Variants in MKS1 observed in about 807,000 individuals in gnomAD.
MKS1 encodes tectonic-like complex member MKS1.
Under a neutral mutation model 83.7 loss-of-function variants are expected in MKS1, and 70 were observed. That is an observed-to-expected ratio of 0.84 (90% confidence interval 0.69 to 1.02). The LOEUF is 1.02. Ranked by LOEUF, MKS1 falls within the 50% of genes least tolerant of loss-of-function variation. The probability of loss-of-function intolerance (pLI) is 0.00; values close to 1 mark genes in which losing one functional copy is unlikely to be tolerated. For synonymous variants in MKS1, 251 were observed against 273.4 expected (o/e 0.92, Z 0.81); for missense variants, 681 against 726.9 (o/e 0.94, Z 0.73).
At chr17:58,215,771 T>A in intron 4 of MKS1, 1 of 384,518 alleles carries the variant, frequency 2.6e-6, no homozygotes, top group African/African-American at 2.1e-5. Flanking sequence ...CCACTACCTG[T>A]CTTTTTTCAT....
intron 3 of MKS1, 46 bp from the exon 4 acceptor site, chr17:58,216,289 C>A: frequency 6.3e-7 from 1 of 1,591,316 alleles, no homozygotes; most frequent in Non-Finnish European, 8.6e-7. Context: ...CATTATAATA[C>A]ATCAAACTTT....
intron 12 of MKS1, 40 bp downstream of exon 12, chr17:58,208,473 A>T (rs760994474): frequency 6.2e-7 from 1 of 1,603,642 alleles, no homozygotes; most frequent in Non-Finnish European, 8.5e-7. Context: ...CCAGGAGCAG[A>T]TCTCATTCCC....
chr17:58,206,284 T>G lies in MKS1; in HGVS notation c.1587A>C (p.Leu529=), dbSNP rs1968500559. 1 of 1,614,070 alleles carries G rather than the reference T, an allele frequency of 6.2e-7. No individual in the cohort carries two copies. The highest frequency in any genetic ancestry group is 2.2e-5 in the East Asian group (1 of 44,876). Residue 529 remains leucine (L), a splice_region_variant and synonymous_variant, in exon 17 of 18, where the codon CTA becomes CTC. Transcript: ENST00000393119. The part of the protein sequence containing the change: ...FSQQSSIHNV[L]EAFRRARRRM... ...GGCCAGCTGGGGGAGGGGACATACC[T>G]AGCACATTGTGAATGGAACTCTGCT...
intron 9 of MKS1, 168 bp from the exon 10 acceptor site, chr17:58,211,190 T>A (rs761505681): frequency 1.2e-5 from 8 of 655,364 alleles, no homozygotes; most frequent in African/African-American, 1.8e-5. Flanking sequence ...TCTGTTTCCT[T>A]CATTCCTAAG....
At chr17:58,213,439 G>A (rs1173845249) in intron 7 of MKS1, among the ~76,000 whole-genome samples, 1 of 152,154 alleles carries the variant, frequency 6.6e-6, no homozygotes, top group Non-Finnish European at 1.5e-5. Flanking sequence ...CAGAGATGAG[G>A]AACAGTCAGC....
At chr17:58,213,948 G>A (rs1969036497) in intron 6 of MKS1, 79 bp from the exon 7 acceptor site, 1 of 1,227,672 alleles carries the variant, frequency 8.1e-7, no homozygotes, top group Admixed American at 1.7e-5. Flanking sequence ...CCACTGCAGG[G>A]GAGAGAACAG....
rs1377294062 is a variant in MKS1 at position 58,205,906 on chromosome 17, G to A, written c.*173C>T. 1.4e-6 allele frequency: 2 copies of A among 1,474,028 alleles called. No homozygotes were observed. Among genetic ancestry groups the A allele is most frequent in the East Asian group, 2.5e-5 (1 of 40,480 alleles). 91.3% of individuals were successfully genotyped at this position (1,474,028 alleles called of 1,614,324 possible). A position where few individuals can be genotyped will look rare whatever the true frequency, so the allele number is the denominator to read the frequency against. ...CTCTGGCTTTATTTCCACAGGGTAG[G>A]GAGAAGACCCTGCAGAAGGCTAGGC... On this transcript the variant is annotated 3_prime_UTR_variant, in exon 18 of 18. Coordinates refer to ENST00000393119, the MANE Select transcript of MKS1 (RefSeq NM_017777.4).
rs201957874 is a variant in MKS1, at chr17:58,218,727, A to C, written c.83T>G (p.Val28Gly). The change falls in exon 2 of 18, where the codon GTC becomes GGC. Residue 28 changes from valine to glycine, a missense_variant and splice_region_variant. By Grantham distance (109) the Val-to-Gly change is moderately radical. Transcript: ENST00000393119. ...GCTTGATGTGATTCTTTGCAGGTGG[A>C]CTCTGTCAAGAAAAGCCCAAAATAT... The part of the protein sequence containing the change: ...RDPVRNLRLR[V>G]HLQRITSSNF... The C allele has an allele frequency of 1.2e-6, 2 of 1,613,076 alleles. No homozygotes were observed. The highest frequency in any genetic ancestry group is 1.7e-6 in the Non-Finnish European group (2 of 1,179,172).
At chr17:58,210,838 C>A in intron 10 of MKS1, 114 bp from the exon 11 acceptor site, 1 of 1,440,828 alleles carries the variant, frequency 6.9e-7, no homozygotes, top group South Asian at 1.1e-5. Context: ...GGCCAGGAAC[C>A]CTCTGCGTTT....
Position 58,212,437 on chromosome 17 carries a change from G to A in MKS1, c.859-3C>T, listed in dbSNP as rs749501841. 1.2e-6 allele frequency: 2 copies of A among 1,614,068 alleles called. No homozygotes were observed. The highest frequency in any genetic ancestry group is 1.1e-5 in the South Asian group (1 of 91,084). ...TACTCCTTGTGCCGGCCATAAAGCT[G>A]AGGAAACAAACCAAACCAAAACTCA... On this transcript the variant is annotated splice_region_variant and splice_polypyrimidine_tract_variant and intron_variant, in intron 8 of 17. Coordinates refer to ENST00000393119, the MANE Select transcript of MKS1 (RefSeq NM_017777.4).
At chr17:58,211,802 G>A (rs1968892774) in intron 9 of MKS1, among the ~76,000 whole-genome samples, 1 of 147,312 alleles carries the variant, frequency 6.8e-6, no homozygotes, top group Admixed American at 6.9e-5. Flanking sequence ...CTGGCTTCAA[G>A]TGATCCTCCC....
At chr17:58,210,803 A>G (rs1968828857) in intron 10 of MKS1, 79 bp from the exon 11 acceptor site, 25 of 1,486,122 alleles carry the variant, frequency 1.7e-5, no homozygotes, top group Admixed American at 3.4e-5. Flanking sequence ...AGGGGCCTAC[A>G]CACCCTGAGA....
In MKS1 at chr17:58,211,114, C is replaced by CCA. The variant is rs1968850320; in HGVS notation, c.916-94_916-93dup. ...CATCTACAAATCTGCAGACGACCTGCCACTAGGGGTCAGGCCCTGGGTGTC... is the reference window on the plus strand; with the variant it reads ...CATCTACAAATCTGCAGACGACCTGCCACACTAGGGGTCAGGCCCTGGGTGTC... On this transcript the variant is annotated intron_variant, in intron 9 of 17. Coordinates refer to ENST00000393119, the MANE Select transcript of MKS1 (RefSeq NM_017777.4). 1.5e-5 allele frequency: 20 copies of CCA among 1,307,728 alleles called. No individual in the cohort carries two copies. The Admixed American group carries it at 3.4e-4, about 22-fold the overall frequency. 81.0% of individuals were successfully genotyped at this position (1,307,728 alleles called of 1,614,324 possible). A position where few individuals can be genotyped will look rare whatever the true frequency, so the allele number is the denominator to read the frequency against.
chr17:58,208,014 A>G lies in MKS1; in HGVS notation c.1166-13T>C. ...TCCGGGAGTGCATCTGGGAGCAAGG[A>G]GAGAAGCGGCCAGGTCACAGGCGGC... On this transcript the variant is annotated splice_polypyrimidine_tract_variant and intron_variant, in intron 13 of 17. Transcript: ENST00000393119. 1 of 1,613,104 alleles carries G rather than the reference A, an allele frequency of 6.2e-7. No homozygotes were observed. The highest frequency in any genetic ancestry group is 8.5e-7 in the Non-Finnish European group (1 of 1,179,110).
At chr17:58,211,806 T>C (rs1968892933) in intron 9 of MKS1, among the ~76,000 whole-genome samples, 1 of 150,478 alleles carries the variant, frequency 6.6e-6, no homozygotes, top group Non-Finnish European at 1.5e-5. Flanking sequence ...CTTCAAGTGA[T>C]CCTCCCACCT....
At chr17:58,207,676 T>C (rs1200449577) in intron 14 of MKS1, 7 of 631,962 alleles carry the variant, frequency 1.1e-5, no homozygotes, top group South Asian at 1.8e-5. Flanking sequence ...CAGAGGAGCA[T>C]GAAGCACATG....
At position 58,214,261 on chromosome 17, in the gene MKS1, T is replaced by C; in HGVS notation, c.642A>G (p.Lys214=). ...MHIMADLGPY[K]KLGYKKYEHV... ...TGGCAGTGAGAAGCGCCACTCACTT[T>C]TTATAGGGCCCCAGGTCTGCCATGA... Residue 214 remains lysine, a splice_region_variant and synonymous_variant, in exon 6 of 18, where the codon AAA becomes AAG. Transcript: ENST00000393119. 1 of 1,614,122 alleles carries C rather than the reference T, an allele frequency of 6.2e-7. No homozygotes were observed. Among genetic ancestry groups the C allele is most frequent in the Non-Finnish European group, 8.5e-7 (1 of 1,180,016 alleles).
chr17:58,212,928 A>G, intron 8 of MKS1, 54 bp downstream of exon 8: 1 of 1,556,476 alleles, frequency 6.4e-7, no homozygotes. Context: ...AAATGGTCTC[A>G]GCTCCAGGCA....
intron 3 of MKS1, among the ~76,000 whole-genome samples, 161 bp downstream of exon 3, chr17:58,216,505 T>A (rs1969227522): frequency 6.6e-6 from 1 of 152,182 alleles, no homozygotes; most frequent in Admixed American, 6.5e-5. Flanking sequence ...ATCACAAAAC[T>A]GAGTAGTGGC....
Sources: allele counts gnomAD v4.1 joint callset (sites outside exome capture counted in the v4.1 genomes callset), GRCh38; gene constraint gnomAD v4.1.1; transcripts MANE v1.5; gene names NCBI Gene and HGNC (gene_info 2026-07-23, HGNC 2026-07-21).